The following PTPRD variants were observed in gnomAD, a reference collection of about 807,000 sequenced individuals.
The protein encoded by PTPRD is protein tyrosine phosphatase receptor type D.
PTPRD carries 34 observed loss-of-function variants against 214.5 expected under a neutral mutation model. That is an observed-to-expected ratio of 0.16 (90% CI 0.12 to 0.21). The LOEUF is 0.21. Ranked by LOEUF, PTPRD falls within the 10% of genes least tolerant of loss-of-function variation. The pLI, the probability that PTPRD is intolerant of heterozygous loss-of-function variation, is 1.00. For synonymous variants in PTPRD, 1,128 were observed against 845.7 expected (o/e 1.33, Z -5.79); for missense variants, 2,545 against 2,398.7 (o/e 1.06, Z -1.27).
At chr9:9,010,340 T>C (rs2099504750) in intron 11 of PTPRD, among the ~76,000 whole-genome samples, 1 of 152,192 alleles carries the variant, frequency 6.6e-6, no homozygotes, top group Admixed American at 6.5e-5. Flanking sequence ...CTTTTTGAGT[T>C]ACTGATGCAC....
chr9:8,849,001 C>T (rs2097761420), intron 11 of PTPRD, among the ~76,000 whole-genome samples: 1 of 151,940 alleles, frequency 6.6e-6, no homozygotes, highest in Non-Finnish European at 1.5e-5. Context: ...ACAACTATTA[C>T]ATATCAACCA....
At chr9:8,967,195 G>A (rs944986462) in intron 11 of PTPRD, among the ~76,000 whole-genome samples, 2 of 151,960 alleles carry the variant, frequency 1.3e-5, no homozygotes, top group Admixed American at 6.6e-5. Flanking sequence ...ATACACTGTT[G>A]GTGGGAATGT....
intron 4 of PTPRD, among the ~76,000 whole-genome samples, chr9:9,999,969 G>C (rs918311314): frequency 1.3e-5 from 2 of 152,146 alleles, no homozygotes; most frequent in Non-Finnish European, 2.9e-5. Flanking sequence ...GAAAGTTTAA[G>C]TCTGTTGTAA....
intron 12 of PTPRD, among the ~76,000 whole-genome samples, chr9:8,703,090 G>C (rs1044233518): frequency 2.0e-5 from 3 of 152,178 alleles, no homozygotes. Context: ...CAGCAGAAGA[G>C]CTGGTCAGAT....
At position 8,478,213 on chromosome 9, in the gene PTPRD, C is replaced by T. The variant is rs534679852; in HGVS notation, c.3413+5906G>A. On this transcript the variant is annotated intron_variant, in intron 30 of 45. Transcript: ENST00000381196. ...GAAACCTAATATCCTCAGTAAATTG[C>T]AAAGTACTATACAAATTTAAGCCTT... Among the ~76,000 whole-genome samples the T allele has an allele frequency of 9.2e-5, 14 of 152,212 alleles. No individual in the cohort carries two copies. In the South Asian group the frequency reaches 1.9e-3, roughly 20 times the overall value.
chr9:9,500,828 A>T (rs1465234452), intron 8 of PTPRD, among the ~76,000 whole-genome samples: 1 of 152,072 alleles, frequency 6.6e-6, no homozygotes, highest in East Asian at 1.9e-4. Flanking sequence ...GTTACAATAG[A>T]TGTAGAATTG....
chr9:10,142,416 A>G (rs534829883), intron 3 of PTPRD, among the ~76,000 whole-genome samples: 3,634 of 152,138 alleles, frequency 0.024, 65 homozygotes, highest in Non-Finnish European at 0.037. Context: ...ATGAACTCAA[A>G]CAAATTTACG....
intron 35 of PTPRD, among the ~76,000 whole-genome samples, chr9:8,420,237 G>A (rs376167550): frequency 6.6e-6 from 1 of 152,124 alleles, no homozygotes; most frequent in Admixed American, 6.6e-5. Context: ...GTACTGCAGA[G>A]TCTAGCAAAG....
intron 9 of PTPRD, among the ~76,000 whole-genome samples, chr9:9,311,614 T>G (rs1344655944): frequency 6.6e-6 from 1 of 152,162 alleles, no homozygotes. Flanking sequence ...CTTTCTTGCA[T>G]GTGATTTTCT....
chr9:9,917,941 T>C (rs1280595709), intron 5 of PTPRD, among the ~76,000 whole-genome samples: 3 of 152,084 alleles, frequency 2.0e-5, no homozygotes, highest in Admixed American at 6.6e-5. Context: ...GGAGGTCATA[T>C]ATGACAAACC....
At chr9:9,148,183 A>G (rs905883427) in intron 10 of PTPRD, among the ~76,000 whole-genome samples, 2 of 152,204 alleles carry the variant, frequency 1.3e-5, no homozygotes, top group African/African-American at 4.8e-5. Context: ...TGCTAGAGAA[A>G]AAAAAATTGC....
chr9:9,772,551 A>G (rs1039726974), intron 5 of PTPRD, among the ~76,000 whole-genome samples: 1 of 152,134 alleles, frequency 6.6e-6, no homozygotes, highest in African/African-American at 2.4e-5. Flanking sequence ...CCATCAGTGG[A>G]CACAAGCTTC....
chr9:9,814,213 G>A (rs1468611125), intron 5 of PTPRD, among the ~76,000 whole-genome samples: 1 of 151,788 alleles, frequency 6.6e-6, no homozygotes, highest in Non-Finnish European at 1.5e-5. Context: ...AAAGTTGAAA[G>A]GTTTTCTTTT....
intron 11 of PTPRD, among the ~76,000 whole-genome samples, chr9:8,875,064 G>C (rs1369955312): frequency 6.6e-6 from 1 of 152,204 alleles, no homozygotes; most frequent in East Asian, 1.9e-4. Context: ...ATGCATTAAA[G>C]AGAGTCACCC....
At chr9:9,450,195 T>A (rs1372526710) in intron 8 of PTPRD, among the ~76,000 whole-genome samples, 2 of 151,832 alleles carry the variant, frequency 1.3e-5, no homozygotes, top group African/African-American at 4.8e-5. Context: ...GGTTCCATAT[T>A]TTTGCAATTG....
At chr9:9,264,456 G>C (rs1421359148) in intron 9 of PTPRD, among the ~76,000 whole-genome samples, 1 of 151,494 alleles carries the variant, frequency 6.6e-6, no homozygotes, top group East Asian at 2.0e-4. Context: ...TGAAATCACT[G>C]GTCATTTGAA....
At chr9:9,016,716 T>C (rs2099536922) in intron 11 of PTPRD, among the ~76,000 whole-genome samples, 1 of 152,140 alleles carries the variant, frequency 6.6e-6, no homozygotes, top group Admixed American at 6.6e-5. Context: ...TGTAGCAGTC[T>C]TTGCAAAGTC....
intron 5 of PTPRD, among the ~76,000 whole-genome samples, chr9:9,771,522 C>T (rs1319148908): frequency 6.6e-6 from 1 of 152,090 alleles, no homozygotes; most frequent in East Asian, 1.9e-4. Context: ...TCATTGTTTC[C>T]CTGTCAAAGC....
chr9:9,644,257 A>C (rs949650791), intron 7 of PTPRD, among the ~76,000 whole-genome samples: 2 of 152,088 alleles, frequency 1.3e-5, no homozygotes, highest in African/African-American at 4.8e-5. Context: ...GGGAGGTTTC[A>C]AGTGGTGAGG....
Sources: gnomAD v4.1 joint callset for allele counts (sites outside exome capture counted in the v4.1 genomes callset) on GRCh38, gnomAD v4.1.1 for gene constraint, MANE v1.5 for transcripts, NCBI Gene and HGNC (gene_info 2026-07-23, HGNC 2026-07-21) for gene names.